IQCH: variants seen among roughly 807,000 people sequenced by gnomAD.
IQCH encodes IQ domain-containing protein H.
IQCH carries 98 observed loss-of-function variants against 117.0 expected under a neutral mutation model. The observed-to-expected ratio is 0.84, with a 90% CI of 0.71 to 0.99. The LOEUF (loss-of-function observed/expected upper bound fraction) is 0.99, where lower values mean the gene tolerates loss of function less well. IQCH is among the 50% of genes least tolerant of loss of function. IQCH has a pLI of 0.00. For missense variants in IQCH, 1,102 were observed against 1,243.8 expected (o/e 0.89, Z 1.72); for synonymous variants, 412 against 448.2 (o/e 0.92, Z 1.02).
chr15:67,358,202 C>CTTTTTTTTTTTTTTTTTTTTT (rs1555462676), intron 7 of IQCH, among the ~76,000 whole-genome samples: 8 of 5,974 alleles, frequency 1.3e-3, no homozygotes, highest in South Asian at 6.8e-3. Flanking sequence ...GAGGCACTTT[C>CTTTTTTTTTTTTTTTTTTTTT]TTTTCTTTTT....
Position 67,342,422 on chromosome 15 carries a change from A to T in IQCH, c.509-1641A>T, listed in dbSNP as rs1969214686. 6.6e-6 allele frequency among the ~76,000 whole-genome samples: 1 copy of T among 152,132 alleles called. No individual in the cohort carries two copies. Among genetic ancestry groups the T allele is most frequent in the African/African-American group, 2.4e-5 (1 of 41,428 alleles). On this transcript the variant is annotated intron_variant, in intron 5 of 20. Transcript: ENST00000335894. The surrounding 1 kb of genome is among the most constrained non-coding windows in gnomAD (Gnocchi z 4.7). The stretch of plus-strand genomic sequence containing the variant: ...TTTTTCCTTCCAATAGTAGATGGGC[A>T]CACATATGTGTTTGTCTGAAATTAG...
At chr15:67,353,118 C>A (rs766258347) in intron 6 of IQCH, among the ~76,000 whole-genome samples, 2 of 151,108 alleles carry the variant, frequency 1.3e-5, no homozygotes, top group African/African-American at 2.4e-5. Flanking sequence ...TGCAATCCAG[C>A]CTGAGTGACA....
At chr15:67,329,695 C>T (rs1968575830) in intron 4 of IQCH, among the ~76,000 whole-genome samples, 1 of 152,044 alleles carries the variant, frequency 6.6e-6, no homozygotes, top group South Asian at 2.1e-4. Flanking sequence ...TCTCGAACTC[C>T]TGGCCTTAAG....
intron 14 of IQCH, among the ~76,000 whole-genome samples, chr15:67,412,690 C>T (rs558149106): frequency 2.0e-5 from 3 of 152,298 alleles, no homozygotes; most frequent in South Asian, 2.1e-4. Context: ...TGAGCCACCG[C>T]GCCCGGCCTC....
At position 67,475,053 on chromosome 15, in the gene IQCH, T is replaced by C. The variant is rs1279682986; in HGVS notation, c.2677-643T>C. On this transcript the variant is annotated intron_variant, in intron 17 of 20. Coordinates refer to ENST00000335894, the MANE Select transcript of IQCH (RefSeq NM_001031715.3). This position sits in a 1 kb window ranked among gnomAD's most constrained non-coding sequence, Gnocchi z 5.7. ...ACCACAGGGAAAGTCTGTGAAGCCG[T>C]CACAGGCCAGAGAAGCCTAAGGAGA... Among the ~76,000 whole-genome samples, 1 of 152,074 alleles carries C rather than the reference T, an allele frequency of 6.6e-6. No homozygotes were observed. Among genetic ancestry groups the C allele is most frequent in the Non-Finnish European group, 1.5e-5 (1 of 68,014 alleles).
In IQCH at chr15:67,385,841, T is replaced by C. The variant is rs1971091923; in HGVS notation, c.1456+822T>C. ...ACTTCTTTGCTTTGTTAAAATACAATTTCTTTGGCCCTTATTTAAGAAAAA... is the reference window on the plus strand; with the variant it reads ...ACTTCTTTGCTTTGTTAAAATACAACTTCTTTGGCCCTTATTTAAGAAAAA... On this transcript the variant is annotated intron_variant, in intron 11 of 20. Transcript: ENST00000335894. This position sits in a 1 kb window ranked among gnomAD's most constrained non-coding sequence, Gnocchi z 4.6. Among the ~76,000 whole-genome samples, 3 of 152,204 alleles carry C rather than the reference T, an allele frequency of 2.0e-5. No homozygotes were observed. In the South Asian group the frequency reaches 6.2e-4, roughly 32 times the overall value.
chr15:67,306,572 C>T (rs954442724), intron 4 of IQCH, among the ~76,000 whole-genome samples: 10 of 152,188 alleles, frequency 6.6e-5, no homozygotes, highest in South Asian at 4.1e-4. Context: ...GTATCTTCTC[C>T]ATCTTATGAA....
In IQCH at chr15:67,457,239, A is replaced by G. The variant is rs1320768413; in HGVS notation, c.2506-7888A>G. On this transcript the variant is annotated intron_variant, in intron 16 of 20. Transcript: ENST00000335894. This position sits in a 1 kb window ranked among gnomAD's most constrained non-coding sequence, Gnocchi z 5.7. ...TACCAAATACCATAATCACATTAGT[A>G]TTTTACTAATTGAAAATTCTTACAG... Among the ~76,000 whole-genome samples the G allele has an allele frequency of 6.6e-6, 1 of 152,218 alleles. No individual in the cohort carries two copies. The highest frequency in any genetic ancestry group is 1.9e-4 in the East Asian group (1 of 5,200).
Position 67,337,352 on chromosome 15 carries a change from C to T in IQCH, c.508+257C>T, listed in dbSNP as rs549170010. Among the ~76,000 whole-genome samples the T allele has an allele frequency of 3.3e-5, 5 of 152,172 alleles. No homozygotes were observed. The South Asian group carries it at 1.0e-3, about 32-fold the overall frequency. The stretch of plus-strand genomic sequence containing the variant: ...ATATTGATTTAGATGGTGTTATTAC[C>T]TATTAAAATGATCATTGTGTTTATG... On this transcript the variant is annotated intron_variant, in intron 5 of 20. Transcript: ENST00000335894.
intron 20 of IQCH, among the ~76,000 whole-genome samples, chr15:67,499,767 ATAT>A (rs2083929604): frequency 6.6e-6 from 1 of 152,202 alleles, no homozygotes; most frequent in Non-Finnish European, 1.5e-5. Flanking sequence ...ATATAATGGG[ATAT>A]TATTCACCTC....
chr15:67,384,672 A>G lies in IQCH; in HGVS notation c.1373-264A>G, dbSNP rs1374201050. On this transcript the variant is annotated intron_variant, in intron 10 of 20. Transcript: ENST00000335894. The surrounding 1 kb of genome is among the most constrained non-coding windows in gnomAD (Gnocchi z 4.3). The stretch of plus-strand genomic sequence containing the variant: ...TCAGAAATTTTCTCCATGTTTTGTC[A>G]TCTTGATTCTTAGCAGCCTTGTTGG... Among the ~76,000 whole-genome samples, 1 of 151,764 alleles carries G rather than the reference A, an allele frequency of 6.6e-6. No homozygotes were observed. The highest frequency in any genetic ancestry group is 2.4e-5 in the African/African-American group (1 of 41,306).
chr15:67,464,481 T>G (rs994822699), intron 16 of IQCH, among the ~76,000 whole-genome samples: 6 of 152,214 alleles, frequency 3.9e-5, no homozygotes, highest in Non-Finnish European at 8.8e-5. Context: ...CATCATAATA[T>G]TCTTCTAATA....
rs555949095 is a variant in IQCH, at chr15:67,411,977, C to T, written c.2098-4954C>T. On this transcript the variant is annotated intron_variant, in intron 14 of 20. Coordinates refer to ENST00000335894, the MANE Select transcript of IQCH (RefSeq NM_001031715.3). The surrounding 1 kb of genome is among the most constrained non-coding windows in gnomAD (Gnocchi z 4.4). ...CTGCAGATGTCTTGGAACCTTCCAA[C>T]GTCCTGACGATTGTTGATGCACTCT... 2.0e-4 allele frequency among the ~76,000 whole-genome samples: 31 copies of T among 152,304 alleles called. No individual in the cohort carries two copies. Among genetic ancestry groups the T allele is most frequent in the African/African-American group, 7.2e-4 (30 of 41,568 alleles).
intron 4 of IQCH, among the ~76,000 whole-genome samples, chr15:67,318,448 G>A (rs1275423054): frequency 6.6e-6 from 1 of 152,186 alleles, no homozygotes; most frequent in African/African-American, 2.4e-5. Flanking sequence ...ATGTTTATAA[G>A]TATGCCAGTT....
chr15:67,477,312 A>G (rs1157626376), intron 18 of IQCH, among the ~76,000 whole-genome samples: 1 of 151,834 alleles, frequency 6.6e-6, no homozygotes, highest in Non-Finnish European at 1.5e-5. Context: ...TTCCCAAAGT[A>G]TTGGGATTAC....
At chr15:67,275,664 G>A (rs896957844) in intron 3 of IQCH, among the ~76,000 whole-genome samples, 5 of 152,144 alleles carry the variant, frequency 3.3e-5, no homozygotes, top group Non-Finnish European at 7.4e-5. Flanking sequence ...GCTCACTTGA[G>A]TCCAGGTGTT....
chr15:67,385,038 C>T lies in IQCH; in HGVS notation c.1456+19C>T. The T allele has an allele frequency of 7.1e-7, 1 of 1,417,296 alleles. No individual in the cohort carries two copies. The highest frequency in any genetic ancestry group is 1.2e-5 in the South Asian group (1 of 86,428). The allele number at this position is 1,417,296 out of a possible 1,614,324, so 87.8% of individuals were successfully genotyped here. A position where few individuals can be genotyped will look rare whatever the true frequency, so the allele number is the denominator to read the frequency against. On this transcript the variant is annotated intron_variant, in intron 11 of 20. Coordinates refer to ENST00000335894, the MANE Select transcript of IQCH (RefSeq NM_001031715.3). The surrounding 1 kb of genome is among the most constrained non-coding windows in gnomAD (Gnocchi z 4.6). ...ATCTTAGGTACAGTAAATAGTTTTA[C>T]ACAAATGACTCTTTGGAATGTTTAT... is the stretch of plus-strand genomic sequence containing the variant.
intron 6 of IQCH, among the ~76,000 whole-genome samples, chr15:67,352,312 T>A (rs558959124): frequency 6.6e-6 from 1 of 152,252 alleles, no homozygotes; most frequent in Non-Finnish European, 1.5e-5. Context: ...TGTATCTTTT[T>A]AAAAAAACCC....
At chr15:67,486,500 C>G (rs1207109314) in intron 18 of IQCH, among the ~76,000 whole-genome samples, 1 of 152,038 alleles carries the variant, frequency 6.6e-6, no homozygotes, top group East Asian at 1.9e-4. Context: ...TGAACTTGTT[C>G]TGCATATGGG....
Sources: allele counts gnomAD v4.1 joint callset (sites outside exome capture counted in the v4.1 genomes callset), GRCh38; gene constraint gnomAD v4.1.1; non-coding constraint Gnocchi (gnomAD v3.1); transcripts MANE v1.5; gene names NCBI Gene and HGNC (gene_info 2026-07-23, HGNC 2026-07-21).